The following CCDC141 variants were observed in gnomAD, a reference collection of about 807,000 sequenced individuals.
CCDC141 encodes the protein coiled-coil domain containing 141.
In CCDC141, 168 loss-of-function variants were observed where a neutral mutation model predicts 181.0. That is an observed-to-expected ratio of 0.93 (90% confidence interval 0.82 to 1.05). The LOEUF (loss-of-function observed/expected upper bound fraction) is 1.05. CCDC141 is among the 50% of genes least tolerant of loss of function. CCDC141 has a pLI of 0.00. For missense variants in CCDC141, 1,902 were observed against 1,788.5 expected (o/e 1.06, Z -1.14); for synonymous variants, 666 against 642.3 (o/e 1.04, Z -0.56).
At chr2:178,968,245 C>T (rs1423586953) in intron 4 of CCDC141, among the ~76,000 whole-genome samples, 2 of 152,194 alleles carry the variant, frequency 1.3e-5, no homozygotes. Flanking sequence ...ACCTAATAGA[C>T]ATCTACAGAA....
At chr2:178,954,668 C>G (rs558811143) in intron 5 of CCDC141, among the ~76,000 whole-genome samples, 1 of 152,292 alleles carries the variant, frequency 6.6e-6, no homozygotes, top group African/African-American at 2.4e-5. Context: ...CAGACATCCA[C>G]ATTATTATTC....
At chr2:178,965,470 G>T (rs1690583906) in intron 4 of CCDC141, among the ~76,000 whole-genome samples, 1 of 152,196 alleles carries the variant, frequency 6.6e-6, no homozygotes, top group Non-Finnish European at 1.5e-5. Flanking sequence ...GAAGCCCATG[G>T]AAGGCGAGCC....
chr2:178,930,494 G>A (rs887622729), intron 6 of CCDC141, among the ~76,000 whole-genome samples: 2 of 151,966 alleles, frequency 1.3e-5, no homozygotes, highest in African/African-American at 4.8e-5. Flanking sequence ...ACCCTGAATA[G>A]CCAAAACAAT....
At chr2:178,884,630 A>G (rs892100199) in intron 11 of CCDC141, among the ~76,000 whole-genome samples, 1 of 151,372 alleles carries the variant, frequency 6.6e-6, no homozygotes, top group Non-Finnish European at 1.5e-5. Flanking sequence ...AAGTTCCCCA[A>G]CCCCCCTTTG....
At chr2:178,978,352 G>T in intron 3 of CCDC141, 132 bp downstream of exon 3, 1 of 490,082 alleles carries the variant, frequency 2.0e-6, no homozygotes. Flanking sequence ...AATATATTGT[G>T]TATGTATGTT....
At chr2:178,902,448 A>G (rs1041656482) in intron 8 of CCDC141, among the ~76,000 whole-genome samples, 26 of 152,066 alleles carry the variant, frequency 1.7e-4, no homozygotes, top group South Asian at 4.1e-4. Context: ...CAGAAATAAC[A>G]CCGCATATCT....
At chr2:178,861,508 T>C (rs924499336) in intron 17 of CCDC141, among the ~76,000 whole-genome samples, 1 of 151,758 alleles carries the variant, frequency 6.6e-6, no homozygotes, top group Non-Finnish European at 1.5e-5. Flanking sequence ...TGGTGGTGCA[T>C]GCCTGTAATC....
At chr2:178,912,366 T>C (rs1435590043) in intron 7 of CCDC141, among the ~76,000 whole-genome samples, 4 of 152,200 alleles carry the variant, frequency 2.6e-5, no homozygotes, top group Non-Finnish European at 4.4e-5. Context: ...GACAATAAAA[T>C]TGAATGTCTT....
chr2:178,849,022 G>A (rs1215691021), intron 21 of CCDC141, among the ~76,000 whole-genome samples: 1 of 151,824 alleles, frequency 6.6e-6, no homozygotes, highest in African/African-American at 2.4e-5. Context: ...TGGTAAAATG[G>A]TAAAAAAAAA....
intron 22 of CCDC141, among the ~76,000 whole-genome samples, chr2:178,844,034 C>CT (rs1014635075): frequency 1.3e-5 from 2 of 151,764 alleles, no homozygotes; most frequent in African/African-American, 2.4e-5. Context: ...GTAAATCTTG[C>CT]TTTTTTTTAA....
In CCDC141 at chr2:178,899,616, G is replaced by C. The variant is rs1237797086; in HGVS notation, c.1265+5713C>G. Among the ~76,000 whole-genome samples, 5 of 152,034 alleles carry C rather than the reference G, an allele frequency of 3.3e-5. No homozygotes were observed. The South Asian group carries it at 1.0e-3, about 32-fold the overall frequency. On this transcript the variant is annotated intron_variant, in intron 8 of 23. Coordinates refer to ENST00000443758, the MANE Select transcript of CCDC141 (RefSeq NM_173648.4). ...AAATTCCTTTAACGTGAAGTCTTGGGTTTCTTATCCATACCAGTTTTTTGG... is the reference window on the plus strand; with the variant it reads ...AAATTCCTTTAACGTGAAGTCTTGGCTTTCTTATCCATACCAGTTTTTTGG...
At chr2:178,822,078 T>TA in the CCDC141 span, among the ~76,000 whole-genome samples, 2 of 152,020 alleles carry the variant, frequency 1.3e-5, no homozygotes, top group Non-Finnish European at 2.9e-5. Flanking sequence ...TATGCAGCCA[T>TA]AAAAAATGAT....
Position 178,832,810 on chromosome 2 carries a change from T to A in CCDC141, c.*1363A>T, listed in dbSNP as rs1462175802. On this transcript the variant is annotated 3_prime_UTR_variant, in exon 24 of 24. Coordinates refer to ENST00000443758, the MANE Select transcript of CCDC141 (RefSeq NM_173648.4). ...GAATTATTCTTTCAACTAAAGATTT[T>A]CCTCAGCATAATAAGACTACATTTA... 6.6e-6 allele frequency: 1 copy of A among 152,140 alleles called. No individual in the cohort carries two copies. The highest frequency in any genetic ancestry group is 2.4e-5 in the African/African-American group (1 of 41,440). 9.4% of individuals were successfully genotyped at this position (152,140 alleles called of 1,614,324 possible).
intron 4 of CCDC141, among the ~76,000 whole-genome samples, chr2:178,968,455 A>G (rs1156476065): frequency 6.6e-6 from 1 of 152,164 alleles, no homozygotes; most frequent in Non-Finnish European, 1.5e-5. Flanking sequence ...GCACAACTAC[A>G]TGGAAACTGA....
intron 6 of CCDC141, 47 bp from the exon 7 acceptor site, chr2:178,918,954 A>G: frequency 6.7e-7 from 1 of 1,485,946 alleles, no homozygotes; most frequent in Non-Finnish European, 9.1e-7. Context: ...TCTGTTATGG[A>G]CCGAATGCTT....
intron 8 of CCDC141, among the ~76,000 whole-genome samples, chr2:178,903,318 T>C (rs1687796291): frequency 6.6e-6 from 1 of 151,970 alleles, no homozygotes; most frequent in Non-Finnish European, 1.5e-5. Context: ...GTATGTTTAC[T>C]GTGGCACTAT....
intron 2 of CCDC141, among the ~76,000 whole-genome samples, chr2:178,982,969 C>T (rs992487064): frequency 1.3e-5 from 2 of 152,220 alleles, no homozygotes; most frequent in African/African-American, 4.8e-5. Context: ...CACCACAGCT[C>T]AAGGAGGCCT....
chr2:178,997,172 TGATA>T (rs1692326411), intron 2 of CCDC141, among the ~76,000 whole-genome samples: 1 of 152,166 alleles, frequency 6.6e-6, no homozygotes, highest in Non-Finnish European at 1.5e-5. Flanking sequence ...TGGGTCTCCG[TGATA>T]CTTCTTCAGC....
rs1394489850 is a variant in CCDC141, at chr2:178,837,134, A to G, written c.4085T>C (p.Leu1362Pro). Residue 1362 changes from leucine (L) to proline (P), a missense_variant, in exon 23 of 24, where the codon CTG becomes CCG. By Grantham distance (98) the Leu-to-Pro change is moderately conservative (BLOSUM62 -3). Transcript: ENST00000443758. ...CGAGAATGCATCAGAGGAAGCATGC[A>G]GCCTATCTTGGGTTTTAGTGAAGTT... ...DNNFTKTQDR[L>P]HASSDAFSGL... 1 of 1,613,962 alleles carries G rather than the reference A, an allele frequency of 6.2e-7. No individual in the cohort carries two copies. Among genetic ancestry groups the G allele is most frequent in the South Asian group, 1.1e-5 (1 of 91,070 alleles).
Sources: allele counts gnomAD v4.1 joint callset (sites outside exome capture counted in the v4.1 genomes callset), GRCh38; gene constraint gnomAD v4.1.1; transcripts MANE v1.5; gene names NCBI Gene and HGNC (gene_info 2026-07-23, HGNC 2026-07-21).